Variants in XIRP2 observed in about 807,000 individuals in gnomAD.
The protein encoded by XIRP2 is xin actin-binding repeat-containing protein 2.
A neutral mutation model predicts 277.0 loss-of-function variants in XIRP2; 236 were observed. The observed-to-expected ratio is 0.85, with a 90% CI of 0.77 to 0.95. The LOEUF is 0.95. XIRP2 is among the 40% of genes least tolerant of loss of function. The pLI is 0.00. For missense variants in XIRP2, 4,640 were observed against 4,157.5 expected (o/e 1.12, Z -3.19); for synonymous variants, 1,490 against 1,416.5 (o/e 1.05, Z -1.17).
chr2:167,095,830 A>C (rs1690294118), intron 2 of XIRP2, among the ~76,000 whole-genome samples: 1 of 146,182 alleles, frequency 6.8e-6, no homozygotes, highest in Admixed American at 6.9e-5. Context: ...GCCTCATAAA[A>C]ATGATTTAGG....
chr2:167,244,997 A>G lies in XIRP2; in HGVS notation c.3605A>G (p.Tyr1202Cys). 1.2e-6 allele frequency: 2 copies of G among 1,613,440 alleles called. No individual in the cohort carries two copies. Among genetic ancestry groups the G allele is most frequent in the East Asian group, 4.5e-5 (2 of 44,828 alleles). Reference sequence around the variant, plus strand: ...GCTGGAGATGTTTCCAGCATGAGGTATAAATTTGAAAATCAGTCCTTAGAT... The same window carrying G: ...GCTGGAGATGTTTCCAGCATGAGGTGTAAATTTGAAAATCAGTCCTTAGAT... ...IQAGDVSSMR[Y>C]KFENQSLDSI... Residue 1202 changes from tyrosine (Y) to cysteine (C), a missense_variant, in exon 9 of 11, where the codon TAT becomes TGT. Tyr to Cys is a radical substitution (Grantham distance 194). Coordinates refer to ENST00000409195, the MANE Select transcript of XIRP2 (RefSeq NM_152381.6).
At chr2:167,140,647 C>A (rs1180482992) in intron 3 of XIRP2, among the ~76,000 whole-genome samples, 2 of 152,138 alleles carry the variant, frequency 1.3e-5, no homozygotes, top group Non-Finnish European at 2.9e-5. Context: ...TTATTTCATG[C>A]CCCAAATAAT....
intron 2 of XIRP2, among the ~76,000 whole-genome samples, chr2:166,980,946 T>C (rs920913526): frequency 2.0e-5 from 3 of 152,202 alleles, no homozygotes; most frequent in Non-Finnish European, 4.4e-5. Flanking sequence ...GATCTCACAG[T>C]ACATCCTTAA....
Position 167,244,746 on chromosome 2 carries a change from A to G in XIRP2, c.3354A>G (p.Glu1118=), listed in dbSNP as rs1327387424. The G allele has an allele frequency of 7.4e-6, 12 of 1,613,162 alleles. No homozygotes were observed. In the East Asian group the frequency reaches 2.7e-4, roughly 36 times the overall value. Residue 1118 remains glutamate (E), a synonymous_variant, in exon 9 of 11, where the codon GAA becomes GAG. Transcript: ENST00000409195. The stretch of plus-strand genomic sequence containing the variant: ...TTTCGTTAATGACCAGCAGTGAAGA[A>G]ATTCATAAGGGAGATGTCAAAACTT... ...EKVSLMTSSE[E]IHKGDVKTCT... is the part of the protein sequence containing the mutation.
chr2:167,236,364 T>C (rs1292469006), intron 5 of XIRP2, among the ~76,000 whole-genome samples: 3 of 152,068 alleles, frequency 2.0e-5, no homozygotes, highest in South Asian at 2.1e-4. Context: ...AAAAGTTGAA[T>C]AGGCAGGATA....
At chr2:166,994,476 ATAAAAAAAAAAAAAT>A (rs1470575324) in intron 2 of XIRP2, among the ~76,000 whole-genome samples, 3 of 119,740 alleles carry the variant, frequency 2.5e-5, no homozygotes, top group Non-Finnish European at 3.4e-5. Flanking sequence ...TTAGAGTATA[ATAAAAAAAAAAAAAT>A]TAAAAAAAAA....
At chr2:166,966,825 C>T (rs1686445406) in intron 2 of XIRP2, among the ~76,000 whole-genome samples, 1 of 151,980 alleles carries the variant, frequency 6.6e-6, no homozygotes, top group Non-Finnish European at 1.5e-5. Flanking sequence ...CAAACTACAG[C>T]TTGCATAGAG....
At chr2:167,105,877 G>A (rs1286041744) in intron 2 of XIRP2, among the ~76,000 whole-genome samples, 1 of 151,568 alleles carries the variant, frequency 6.6e-6, no homozygotes, top group Non-Finnish European at 1.5e-5. Context: ...ATCTGATTAG[G>A]TTTTAGTTTG....
At chr2:166,982,499 G>A (rs988163803) in intron 2 of XIRP2, among the ~76,000 whole-genome samples, 29 of 150,816 alleles carry the variant, frequency 1.9e-4, no homozygotes, top group African/African-American at 7.1e-4. Flanking sequence ...ATAGTCCCAG[G>A]GAAGACTAGA....
In XIRP2 at chr2:167,056,289, T is replaced by C. The variant is rs60572928; in HGVS notation, c.409-79620T>C. ...AAAGCCTGAAGTTATAAAATCAATG[T>C]TGGAACATAAATGCAAAATTACTTT... On this transcript the variant is annotated intron_variant, in intron 2 of 10. Transcript: ENST00000409195. 4.0e-3 allele frequency among the ~76,000 whole-genome samples: 602 copies of C among 152,266 alleles called. 32 individuals carry two copies. In the East Asian group the frequency reaches 0.095, roughly 24 times the overall value.
Position 167,054,310 on chromosome 2 carries a change from G to T in XIRP2, c.409-81599G>T, listed in dbSNP as rs960919564. On this transcript the variant is annotated intron_variant, in intron 2 of 10. Transcript: ENST00000409195. ...TTGGCATTCTGTTCCTTGATAGAAA[G>T]CATCTTTGCTGAACACTTTATCAAA... is the stretch of plus-strand genomic sequence containing the variant. Among the ~76,000 whole-genome samples the T allele has an allele frequency of 2.0e-5, 3 of 152,174 alleles. No individual in the cohort carries two copies. The East Asian group carries it at 5.8e-4, about 29-fold the overall frequency.
At chr2:167,184,568 A>G in intron 3 of XIRP2, 1 of 717,334 alleles carries the variant, frequency 1.4e-6, no homozygotes, top group Non-Finnish European at 2.6e-6. Flanking sequence ...CCAAGCCCAG[A>G]TTCTCAGGCT....
chr2:166,892,153 C>A (rs1684120948), intron 1 of XIRP2, among the ~76,000 whole-genome samples: 2 of 152,148 alleles, frequency 1.3e-5, no homozygotes, highest in African/African-American at 2.4e-5. Context: ...AAATTTCTAT[C>A]CAACAATACC....
At chr2:166,915,326 A>G (rs1052418575) in intron 2 of XIRP2, among the ~76,000 whole-genome samples, 4 of 151,450 alleles carry the variant, frequency 2.6e-5, no homozygotes, top group African/African-American at 9.7e-5. Context: ...AAAAAAAGAA[A>G]AAGAAATATT....
rs1355862128 is a variant in XIRP2, at chr2:166,970,196, CT to C, written c.408+66311del. ...CTTCAGCTTAGTATTTTTACCCTTA[CT>C]TTTTGATAACTATCTTTAGGATATG... is the stretch of plus-strand genomic sequence containing the variant. On this transcript the variant is annotated intron_variant, in intron 2 of 10. Transcript: ENST00000409195. 2.1e-3 allele frequency among the ~76,000 whole-genome samples: 316 copies of C among 152,116 alleles called. 5 individuals are homozygous for C. Among genetic ancestry groups the C allele is most frequent in the Non-Finnish European group, 5.6e-4 (38 of 67,936 alleles).
chr2:167,253,652 T>A (rs1198416781), intron 9 of XIRP2, among the ~76,000 whole-genome samples: 1 of 151,778 alleles, frequency 6.6e-6, no homozygotes, highest in Non-Finnish European at 1.5e-5. Context: ...TGATAAGTTA[T>A]CTCAGAGCTC....
In XIRP2 at chr2:166,903,823, T is replaced by C. The variant is rs1684448060; in HGVS notation, c.341T>C (p.Leu114Pro). 1 of 1,613,704 alleles carries C rather than the reference T, an allele frequency of 6.2e-7. No homozygotes were observed. Among genetic ancestry groups the C allele is most frequent in the Non-Finnish European group, 8.5e-7 (1 of 1,179,760 alleles). Residue 114 changes from leucine to proline, a missense_variant, in exon 2 of 11, where the codon CTT (leucine) becomes CCT (proline). Transcript: ENST00000409195. ...AGGATTGAACGCTTTTCCATTGCCC[T>C]TGATGAGCTGAGGAGTGTGTTTGAG... ...RRRIERFSIA[L>P]DELRSVFEAP...
chr2:167,161,485 C>A (rs551950147), intron 3 of XIRP2, among the ~76,000 whole-genome samples: 2 of 152,220 alleles, frequency 1.3e-5, no homozygotes, highest in African/African-American at 4.8e-5. Context: ...TGTGCACTGG[C>A]AGGCTCAAAA....
chr2:167,048,250 T>A (rs1306972127), intron 2 of XIRP2, among the ~76,000 whole-genome samples: 2 of 152,030 alleles, frequency 1.3e-5, no homozygotes, highest in East Asian at 1.9e-4. Flanking sequence ...TTTATACTGA[T>A]CTATTTTTCA....
Sources: gnomAD v4.1 joint callset for allele counts (sites outside exome capture counted in the v4.1 genomes callset) on GRCh38, gnomAD v4.1.1 for gene constraint, MANE v1.5 for transcripts, NCBI Gene and HGNC (gene_info 2026-07-23, HGNC 2026-07-21) for gene names.